The following SH3BGRL2 variants were observed in gnomAD, a reference collection of about 807,000 sequenced individuals.
SH3BGRL2 encodes SH3 domain-binding glutamic acid-rich-like protein 2.
Under a neutral mutation model 14.8 loss-of-function variants are expected in SH3BGRL2, and 21 were observed. The ratio of observed to expected loss-of-function variants is 1.42; its 90% CI spans 1.01 to 2.05. The LOEUF (loss-of-function observed/expected upper bound fraction) is 2.05, where lower values mean the gene tolerates loss of function less well. Among genes scored for constraint, SH3BGRL2 ranks in the 30% most tolerant of loss-of-function variants. SH3BGRL2 has a pLI of 0.00. For synonymous variants in SH3BGRL2, 50 were observed against 47.8 expected, an observed-to-expected ratio of 1.05 and a Z score of -0.19; for missense variants, 147 against 130.8, an observed-to-expected ratio of 1.12 and a Z score of -0.61.
chr6:79,701,621 T>C lies in SH3BGRL2; in HGVS notation c.*2112T>C, dbSNP rs1582745301. 2.1e-5 allele frequency: 2 copies of C among 97,108 alleles called. No individual in the cohort carries two copies. Among genetic ancestry groups the C allele is most frequent in the Non-Finnish European group, 4.3e-5 (2 of 46,384 alleles). The allele number at this position is 97,108 out of a possible 1,614,324, so 6.0% of individuals were successfully genotyped here. A position where few individuals can be genotyped will look rare whatever the true frequency, so the allele number is the denominator to read the frequency against. ...CACCCCATTTTTTTTTTTTTTTTTT[T>C]GATCAGCAAAGAAATACAGGAGACC... On this transcript the variant is annotated 3_prime_UTR_variant, in exon 4 of 4. Transcript: ENST00000369838.
At chr6:79,609,072 T>C in the SH3BGRL2 span, among the ~76,000 whole-genome samples, 8 of 152,304 alleles carry the variant, frequency 5.3e-5, no homozygotes, top group South Asian at 2.1e-4. Flanking sequence ...GAGATTCAAG[T>C]TGATCATTTA....
intron 1 of SH3BGRL2, among the ~76,000 whole-genome samples, chr6:79,643,769 T>G (rs1251786262): frequency 6.6e-6 from 1 of 152,184 alleles, no homozygotes; most frequent in Non-Finnish European, 1.5e-5. Flanking sequence ...CTGTACCGTC[T>G]TCCTCCTATA....
chr6:79,636,936 A>G (rs1768936114), intron 1 of SH3BGRL2, among the ~76,000 whole-genome samples: 1 of 152,216 alleles, frequency 6.6e-6, no homozygotes, highest in Admixed American at 6.5e-5. Flanking sequence ...GGTCACATTT[A>G]TAGGTACTGG....
the SH3BGRL2 span, among the ~76,000 whole-genome samples, chr6:79,597,376 G>A: frequency 3.4e-5 from 5 of 148,784 alleles, no homozygotes; most frequent in Non-Finnish European, 6.0e-5. Context: ...AAGGGAGGAA[G>A]GGAAGGGAAG....
chr6:79,645,449 A>G (rs1769121923), intron 1 of SH3BGRL2, among the ~76,000 whole-genome samples: 2 of 152,158 alleles, frequency 1.3e-5, no homozygotes, highest in Admixed American at 1.3e-4. Context: ...GCATCTTGGC[A>G]TGGATCCACT....
chr6:79,539,853 A>C, the SH3BGRL2 span, among the ~76,000 whole-genome samples: 10 of 152,318 alleles, frequency 6.6e-5, 2 homozygotes, highest in South Asian at 1.9e-3. Flanking sequence ...TGGAAAGCAC[A>C]TAAGTATAAT....
the SH3BGRL2 span, among the ~76,000 whole-genome samples, chr6:79,619,280 C>G: frequency 6.6e-6 from 1 of 151,858 alleles, no homozygotes; most frequent in African/African-American, 2.4e-5. Context: ...ATTTCCTTCC[C>G]TTCTTACACA....
the SH3BGRL2 span, among the ~76,000 whole-genome samples, chr6:79,582,502 C>A: frequency 6.6e-6 from 1 of 152,200 alleles, no homozygotes; most frequent in Non-Finnish European, 1.5e-5. Context: ...ACCATCTAAT[C>A]TTTGACAAAC....
At chr6:79,566,749 C>G in the SH3BGRL2 span, among the ~76,000 whole-genome samples, 1 of 151,910 alleles carries the variant, frequency 6.6e-6, no homozygotes, top group Non-Finnish European at 1.5e-5. Context: ...GACCCCATCT[C>G]TACAAAAAAT....
the SH3BGRL2 span, among the ~76,000 whole-genome samples, chr6:79,543,302 G>A: frequency 6.6e-6 from 1 of 151,930 alleles, no homozygotes; most frequent in Non-Finnish European, 1.5e-5. Context: ...TATATATTTT[G>A]CAGTTACAAC....
the SH3BGRL2 span, among the ~76,000 whole-genome samples, chr6:79,537,841 T>C: frequency 6.6e-6 from 1 of 152,130 alleles, no homozygotes; most frequent in Non-Finnish European, 1.5e-5. Context: ...CTGCTAGTGC[T>C]TCTGGATCTT....
At chr6:79,603,685 T>C in the SH3BGRL2 span, among the ~76,000 whole-genome samples, 273 of 152,252 alleles carry the variant, frequency 1.8e-3, no homozygotes, top group African/African-American at 6.0e-3. Flanking sequence ...CAGCCCACCA[T>C]TGTGGCCCAC....
At chr6:79,636,731 G>A (rs2202348) in intron 1 of SH3BGRL2, among the ~76,000 whole-genome samples, 2,599 of 152,170 alleles carry the variant, frequency 0.017, 72 homozygotes, top group African/African-American at 0.06. Flanking sequence ...GTTTGCTGGC[G>A]ATCTTTGGCA....
the SH3BGRL2 span, among the ~76,000 whole-genome samples, chr6:79,551,467 C>T: frequency 2.0e-5 from 3 of 152,040 alleles, no homozygotes; most frequent in Non-Finnish European, 4.4e-5. Flanking sequence ...TTTAAAATAA[C>T]ATAATTTTTA....
chr6:79,632,188 A>G (rs1768839134), intron 1 of SH3BGRL2, among the ~76,000 whole-genome samples: 1 of 151,990 alleles, frequency 6.6e-6, no homozygotes. Context: ...CTGGGGATCT[A>G]TGAATTGTGG....
chr6:79,651,578 T>G (rs1245752404), intron 1 of SH3BGRL2, among the ~76,000 whole-genome samples: 1 of 143,624 alleles, frequency 7.0e-6, no homozygotes, highest in Non-Finnish European at 1.6e-5. Context: ...AGAAAGTAGT[T>G]AGAGCCACTT....
At chr6:79,572,687 G>C in the SH3BGRL2 span, among the ~76,000 whole-genome samples, 326 of 152,080 alleles carry the variant, frequency 2.1e-3, 1 homozygote, top group Middle Eastern at 0.01. Flanking sequence ...GGATGGTCTC[G>C]ATCTCCTGAC....
At chr6:79,580,714 A>G in the SH3BGRL2 span, among the ~76,000 whole-genome samples, 1 of 152,174 alleles carries the variant, frequency 6.6e-6, no homozygotes, top group East Asian at 1.9e-4. Flanking sequence ...TCGACACACT[A>G]ACATCACAAT....
At chr6:79,603,923 C>A in the SH3BGRL2 span, among the ~76,000 whole-genome samples, 1 of 152,016 alleles carries the variant, frequency 6.6e-6, no homozygotes, top group Non-Finnish European at 1.5e-5. Flanking sequence ...TCCTGCCTCA[C>A]CCTCCCAAGC....
Sources: gnomAD v4.1 joint callset for allele counts (sites outside exome capture counted in the v4.1 genomes callset) on GRCh38, gnomAD v4.1.1 for gene constraint, MANE v1.5 for transcripts, NCBI Gene and HGNC (gene_info 2026-07-23, HGNC 2026-07-21) for gene names.